Variants in DLG2 observed in about 807,000 individuals in gnomAD.
The protein encoded by DLG2 is discs large MAGUK scaffold protein 2, also known as disks large homolog 2.
In DLG2, 45 loss-of-function variants were observed where a neutral mutation model predicts 132.5. The observed-to-expected ratio is 0.34, with a 90% CI of 0.27 to 0.44. The LOEUF (loss-of-function observed/expected upper bound fraction) is 0.44. Ranked by LOEUF, DLG2 falls within the 20% of genes least tolerant of loss-of-function variation. The pLI is 1.00. For synonymous variants in DLG2, 424 were observed against 419.6 expected (o/e 1.01, Z -0.13); for missense variants, 1,045 against 1,196.9 (o/e 0.87, Z 1.87).
At chr11:85,484,451 A>G (rs534318582) in intron 3 of DLG2, among the ~76,000 whole-genome samples, 2 of 151,322 alleles carry the variant, frequency 1.3e-5, no homozygotes, top group Non-Finnish European at 2.9e-5. Context: ...CAACCTACTC[A>G]TCTGACAAAG....
At chr11:84,984,385 T>G (rs1438175832) in intron 6 of DLG2, among the ~76,000 whole-genome samples, 1 of 152,188 alleles carries the variant, frequency 6.6e-6, no homozygotes, top group Non-Finnish European at 1.5e-5. Flanking sequence ...GAAACTAAGT[T>G]TCATAAATGA....
intron 7 of DLG2, among the ~76,000 whole-genome samples, chr11:84,431,477 T>C (rs1231472310): frequency 1.3e-5 from 2 of 152,198 alleles, no homozygotes; most frequent in African/African-American, 2.4e-5. Context: ...TTCTTAAGTT[T>C]TCTCTTCTGC....
chr11:85,518,369 T>C (rs2094211042), intron 3 of DLG2, among the ~76,000 whole-genome samples: 1 of 152,182 alleles, frequency 6.6e-6, no homozygotes. Context: ...TGTTGGGAAC[T>C]GGAGCAAAGG....
At chr11:84,586,629 G>C (rs1012258661) in intron 6 of DLG2, among the ~76,000 whole-genome samples, 1 of 151,954 alleles carries the variant, frequency 6.6e-6, no homozygotes, top group Non-Finnish European at 1.5e-5. Context: ...TGTTATATTT[G>C]AAACTATTTT....
In DLG2 at chr11:85,082,602, G is replaced by T. The variant is rs569675480; in HGVS notation, c.357+29059C>A. 6.6e-5 allele frequency among the ~76,000 whole-genome samples: 10 copies of T among 151,974 alleles called. No individual in the cohort carries two copies. In the South Asian group the frequency reaches 2.1e-3, roughly 32 times the overall value. On this transcript the variant is annotated intron_variant, in intron 6 of 27. Transcript: ENST00000376104. ...AGTCATTAGAAGCCTTCTCTTGATT[G>T]TTTTTTCACTTGGTAACAAAGACAG...
intron 6 of DLG2, among the ~76,000 whole-genome samples, chr11:85,080,573 T>C (rs2067104824): frequency 6.6e-6 from 1 of 152,120 alleles, no homozygotes. Flanking sequence ...TTCTCCCAGG[T>C]CTGAAGATGA....
chr11:83,911,766 A>C (rs2076099630), intron 15 of DLG2, among the ~76,000 whole-genome samples: 1 of 152,166 alleles, frequency 6.6e-6, no homozygotes, highest in Admixed American at 6.6e-5. Context: ...AATCAGCGAA[A>C]ATAGTGAGGG....
At chr11:84,972,141 A>G (rs1306171956) in intron 6 of DLG2, among the ~76,000 whole-genome samples, 1 of 152,122 alleles carries the variant, frequency 6.6e-6, no homozygotes, top group Non-Finnish European at 1.5e-5. Flanking sequence ...ATCATTTTCT[A>G]AAAGACCTCT....
chr11:83,545,550 G>C (rs1028149943), intron 19 of DLG2, among the ~76,000 whole-genome samples: 1 of 152,032 alleles, frequency 6.6e-6, no homozygotes, highest in Non-Finnish European at 1.5e-5. Context: ...AAATGTTTCA[G>C]GTGACTTTTG....
intron 7 of DLG2, among the ~76,000 whole-genome samples, chr11:84,431,063 G>A (rs1301695187): frequency 1.3e-5 from 2 of 151,920 alleles, no homozygotes; most frequent in African/African-American, 4.8e-5. Flanking sequence ...TTCAATATCA[G>A]GACACTACTT....
chr11:84,851,345 G>T (rs2082140715), intron 6 of DLG2, among the ~76,000 whole-genome samples: 1 of 151,940 alleles, frequency 6.6e-6, no homozygotes. Flanking sequence ...TTGCTATATA[G>T]TATTCCACTA....
At chr11:84,988,784 G>T (rs1221498842) in intron 6 of DLG2, among the ~76,000 whole-genome samples, 1 of 152,088 alleles carries the variant, frequency 6.6e-6, no homozygotes, top group African/African-American at 2.4e-5. Context: ...TACTTCTCAG[G>T]TGATGGGTGC....
At chr11:84,420,741 T>C (rs1465603952) in intron 7 of DLG2, among the ~76,000 whole-genome samples, 3 of 133,718 alleles carry the variant, frequency 2.2e-5, no homozygotes, top group South Asian at 5.3e-4. Context: ...GGATCTCGGC[T>C]CACTGCAAGC....
intron 17 of DLG2, among the ~76,000 whole-genome samples, chr11:83,810,153 A>G (rs2046901948): frequency 6.6e-6 from 1 of 152,086 alleles, no homozygotes; most frequent in Non-Finnish European, 1.5e-5. Context: ...GTGTTTGACA[A>G]TGTAAATTAT....
At chr11:83,724,877 CA>C (rs1220192928) in intron 18 of DLG2, 1 of 702,454 alleles carries the variant, frequency 1.4e-6, no homozygotes, top group Admixed American at 2.0e-5. Context: ...AGCAAGTTTC[CA>C]GGGGTTTTCA....
At chr11:84,483,151 G>T (rs567361781) in intron 7 of DLG2, among the ~76,000 whole-genome samples, 1 of 152,244 alleles carries the variant, frequency 6.6e-6, no homozygotes, top group Non-Finnish European at 1.5e-5. Flanking sequence ...CAATTAAACT[G>T]CCTGGGCACG....
chr11:84,035,029 C>T (rs2095823975), intron 11 of DLG2, among the ~76,000 whole-genome samples: 1 of 152,102 alleles, frequency 6.6e-6, no homozygotes, highest in Non-Finnish European at 1.5e-5. Flanking sequence ...TAGAACAAGA[C>T]CTTTCCAACC....
At position 83,503,369 on chromosome 11, in the gene DLG2, TTATATATATATATATATA is replaced by T. The variant is rs34969401; in HGVS notation, c.2194-19159_2194-19142del. On this transcript the variant is annotated intron_variant, in intron 21 of 27. Transcript: ENST00000376104. The stretch of plus-strand genomic sequence containing the variant: ...TATATATATACACACACACACCCAT[TTATATATATATATATATA>T]TATATATATATATATATATATATAT... Among the ~76,000 whole-genome samples, 160 of 90,714 alleles carry T rather than the reference TTATATATATATATATATA, an allele frequency of 1.8e-3. 3 individuals carry two copies. The East Asian group carries it at 0.023, about 13-fold the overall frequency. The allele number at this position is 90,714 out of a possible 152,430, so 59.5% of individuals were successfully genotyped here.
At chr11:84,540,250 A>G (rs560864105) in intron 6 of DLG2, among the ~76,000 whole-genome samples, 2 of 152,230 alleles carry the variant, frequency 1.3e-5, no homozygotes, top group South Asian at 4.2e-4. Flanking sequence ...CAGAGTGAAC[A>G]GGCAACCTAC....
Sources: allele counts gnomAD v4.1 joint callset (sites outside exome capture counted in the v4.1 genomes callset), GRCh38; gene constraint gnomAD v4.1.1; transcripts MANE v1.5; gene names NCBI Gene and HGNC (gene_info 2026-07-23, HGNC 2026-07-21).